The following PCSK5 variants were observed in gnomAD, a reference collection of about 807,000 sequenced individuals.
PCSK5 encodes proprotein convertase subtilisin/kexin type 5, also known as prohormone convertase 5.
Under a neutral mutation model 233.2 loss-of-function variants are expected in PCSK5, and 129 were observed. The observed-to-expected ratio is 0.55, with a 90% CI of 0.48 to 0.64. The LOEUF (loss-of-function observed/expected upper bound fraction) is 0.64. PCSK5 is among the 30% of genes least tolerant of loss of function. The probability of loss-of-function intolerance (pLI) is 0.00; values close to 1 mark genes in which losing one functional copy is unlikely to be tolerated. For missense variants in PCSK5, 2,076 were observed against 2,430.1 expected, an observed-to-expected ratio of 0.85 and a Z score of 3.06; for synonymous variants, 825 against 879.2, an observed-to-expected ratio of 0.94 and a Z score of 1.09.
At chr9:75,895,606 G>A (rs1038887034) in intron 1 of PCSK5, among the ~76,000 whole-genome samples, 32 of 152,252 alleles carry the variant, frequency 2.1e-4, no homozygotes, top group Admixed American at 3.3e-4. Flanking sequence ...CCATGGCAGG[G>A]CCCTCTTCCC....
intron 24 of PCSK5, among the ~76,000 whole-genome samples, chr9:76,289,354 C>G (rs565882743): frequency 6.6e-6 from 1 of 152,152 alleles, no homozygotes; most frequent in South Asian, 2.1e-4. Flanking sequence ...TCTCTCAGCT[C>G]AAAAGTTTGA....
intron 24 of PCSK5, among the ~76,000 whole-genome samples, chr9:76,268,750 A>C (rs1827418998): frequency 6.6e-6 from 1 of 151,960 alleles, no homozygotes; most frequent in Non-Finnish European, 1.5e-5. Flanking sequence ...GAGGCTGAGG[A>C]GGGAGGATCA....
intron 24 of PCSK5, among the ~76,000 whole-genome samples, chr9:76,256,421 G>C (rs1205640230): frequency 6.6e-6 from 1 of 152,216 alleles, no homozygotes; most frequent in Non-Finnish European, 1.5e-5. Flanking sequence ...CAAAAGCGGA[G>C]TGTGGTCGAG....
chr9:76,130,378 T>G (rs1822708068), intron 9 of PCSK5, among the ~76,000 whole-genome samples: 1 of 152,166 alleles, frequency 6.6e-6, no homozygotes, highest in Non-Finnish European at 1.5e-5. Flanking sequence ...GTGGATCCGT[T>G]TGGAAATAGT....
chr9:76,102,590 A>G (rs1335260755), intron 8 of PCSK5, among the ~76,000 whole-genome samples: 1 of 152,196 alleles, frequency 6.6e-6, no homozygotes, highest in East Asian at 1.9e-4. Flanking sequence ...TAATGCAGCT[A>G]TTCCATAATC....
At chr9:76,222,715 G>T (rs1277232815) in intron 20 of PCSK5, among the ~76,000 whole-genome samples, 1 of 152,168 alleles carries the variant, frequency 6.6e-6, no homozygotes, top group Non-Finnish European at 1.5e-5. Context: ...TTGACTTAAA[G>T]ATGTTGCAGT....
chr9:76,312,469 G>A (rs554271658), intron 30 of PCSK5, among the ~76,000 whole-genome samples: 44 of 148,870 alleles, frequency 3.0e-4, no homozygotes, highest in Non-Finnish European at 5.0e-4. Context: ...AGATCACACC[G>A]TTATATTCCA....
chr9:76,297,437 T>C (rs1192141405), intron 27 of PCSK5, among the ~76,000 whole-genome samples: 2 of 152,096 alleles, frequency 1.3e-5, no homozygotes, highest in African/African-American at 4.8e-5. Flanking sequence ...AGGGAAAGCG[T>C]GAAGCTTCTG....
chr9:76,253,298 A>G (rs1419332639), intron 24 of PCSK5, among the ~76,000 whole-genome samples: 2 of 151,832 alleles, frequency 1.3e-5, no homozygotes, highest in Admixed American at 6.6e-5. Context: ...AGGAAGGTTT[A>G]GAATATAAAT....
At position 75,936,235 on chromosome 9, in the gene PCSK5, T is replaced by C. The variant is rs191360455; in HGVS notation, c.297+3752T>C. Among the ~76,000 whole-genome samples the C allele has an allele frequency of 5.3e-4, 80 of 152,278 alleles. No homozygotes were observed. In the East Asian group the frequency reaches 0.015, roughly 28 times the overall value. On this transcript the variant is annotated intron_variant, in intron 2 of 37. Transcript: ENST00000674117. ...GTTGGTGGCTGCTGACTGCTCAGGG[T>C]GGTGGTTGCTGAAGGTTGGGATGGC...
intron 5 of PCSK5, among the ~76,000 whole-genome samples, chr9:76,051,610 C>A (rs932814947): frequency 3.5e-4 from 53 of 150,882 alleles, no homozygotes; most frequent in Middle Eastern, 3.4e-3. Context: ...AAAAAAAAAA[C>A]AACAACAACA....
intron 24 of PCSK5, among the ~76,000 whole-genome samples, chr9:76,255,498 A>G (rs1199319293): frequency 1.3e-5 from 2 of 152,144 alleles, no homozygotes; most frequent in Non-Finnish European, 2.9e-5. Context: ...CATGACCTCT[A>G]ATCTTCAATG....
At chr9:76,323,313 AG>A (rs1829265215) in intron 32 of PCSK5, 25 bp downstream of exon 32, 2 of 1,405,522 alleles carry the variant, frequency 1.4e-6, no homozygotes, top group East Asian at 4.6e-5. Flanking sequence ...GATTCAAAAT[AG>A]GCTCCGGGGT....
At chr9:76,092,003 G>A (rs1006200030) in intron 7 of PCSK5, among the ~76,000 whole-genome samples, 14 of 152,016 alleles carry the variant, frequency 9.2e-5, no homozygotes, top group Non-Finnish European at 1.8e-4. Flanking sequence ...ATCCCCAAAG[G>A]ACCCCTCAGC....
Position 76,323,191 on chromosome 9 carries a change from GCT to G in PCSK5, c.4245_4246del (p.Cys1416SerfsTer2). The G allele has an allele frequency of 1.2e-6, 2 of 1,612,734 alleles. No individual in the cohort carries two copies. Among genetic ancestry groups the G allele is most frequent in the Non-Finnish European group, 1.7e-6 (2 of 1,179,824 alleles). On this transcript the variant is annotated frameshift_variant, in exon 32 of 38. Transcript: ENST00000674117. LOFTEE classifies it high-confidence loss of function. ...CSGPKADDCE[L>X]CLESSWVLYD... Reference sequence around the variant, plus strand: ...GTGGCCCCAAAGCCGACGACTGCGAGCTCTGTCTTGAGAGTTCCTGGGTCCTC... The same window carrying G: ...GTGGCCCCAAAGCCGACGACTGCGAGCTGTCTTGAGAGTTCCTGGGTCCTC...
chr9:76,326,696 G>A (rs143025873), intron 32 of PCSK5, among the ~76,000 whole-genome samples: 1 of 152,160 alleles, frequency 6.6e-6, no homozygotes, highest in African/African-American at 2.4e-5. Flanking sequence ...TTACAGGGGG[G>A]CCTGCTATGT....
chr9:76,289,522 A>G (rs1293338187), intron 24 of PCSK5, among the ~76,000 whole-genome samples: 304 of 85,412 alleles, frequency 3.6e-3, no homozygotes, highest in African/African-American at 0.012. Flanking sequence ...CAACATACAC[A>G]CACACACACA....
chr9:76,030,975 G>C (rs1828630643), intron 5 of PCSK5, among the ~76,000 whole-genome samples: 5 of 152,130 alleles, frequency 3.3e-5, no homozygotes. Context: ...GCTTAGGTTT[G>C]CCATCCTGAC....
At chr9:75,921,763 T>C (rs2131258227) in intron 1 of PCSK5, among the ~76,000 whole-genome samples, 1 of 152,334 alleles carries the variant, frequency 6.6e-6, no homozygotes, top group East Asian at 1.9e-4. Context: ...CTAGAGTACA[T>C]GGGTTATTTT....
Sources: allele counts gnomAD v4.1 joint callset (sites outside exome capture counted in the v4.1 genomes callset), GRCh38; gene constraint gnomAD v4.1.1; transcripts MANE v1.5; gene names NCBI Gene and HGNC (gene_info 2026-07-23, HGNC 2026-07-21).